The following SOX5 variants were observed in gnomAD, a reference collection of about 807,000 sequenced individuals.
The protein encoded by SOX5 is SRY-box transcription factor 5, also known as transcription factor SOX-5.
SOX5 carries 9 observed loss-of-function variants against 92.0 expected under a neutral mutation model. The observed-to-expected ratio is 0.10, with a 90% CI of 0.06 to 0.17. The LOEUF (loss-of-function observed/expected upper bound fraction) is 0.17. Ranked by LOEUF, SOX5 falls within the 10% of genes least tolerant of loss-of-function variation. The pLI is 1.00. For synonymous variants in SOX5, 344 were observed against 336.3 expected (o/e 1.02, Z -0.25); for missense variants, 642 against 944.5 (o/e 0.68, Z 4.20).
At chr12:24,397,388 T>G (rs1960314874) in intron 1 of SOX5, among the ~76,000 whole-genome samples, 1 of 152,200 alleles carries the variant, frequency 6.6e-6, no homozygotes, top group Non-Finnish European at 1.5e-5. Context: ...AAAGTAGAAA[T>G]TCTTCTTTAC....
chr12:23,811,520 A>G (rs951961794), intron 3 of SOX5, among the ~76,000 whole-genome samples: 1 of 152,120 alleles, frequency 6.6e-6, no homozygotes, highest in African/African-American at 2.4e-5. Flanking sequence ...GAAAAGCACA[A>G]AATTTAAGGT....
At chr12:24,485,609 A>G (rs1393134547) in intron 1 of SOX5, among the ~76,000 whole-genome samples, 3 of 152,086 alleles carry the variant, frequency 2.0e-5, no homozygotes, top group Non-Finnish European at 4.4e-5. Flanking sequence ...TGTGATGACT[A>G]GGAAAAAAAA....
At chr12:24,468,112 T>C (rs1489722003) in intron 1 of SOX5, among the ~76,000 whole-genome samples, 1 of 152,176 alleles carries the variant, frequency 6.6e-6, no homozygotes, top group Non-Finnish European at 1.5e-5. Context: ...GCTTGAGTTG[T>C]CAGGACTTGG....
chr12:24,488,028 T>C (rs557423396), intron 1 of SOX5, among the ~76,000 whole-genome samples: 55 of 152,322 alleles, frequency 3.6e-4, no homozygotes, highest in Non-Finnish European at 4.3e-4. Flanking sequence ...GAAAACTATA[T>C]GACTATTATT....
intron 9 of SOX5, among the ~76,000 whole-genome samples, chr12:23,588,356 A>G (rs989959602): frequency 7.2e-5 from 11 of 152,132 alleles, no homozygotes; most frequent in South Asian, 6.2e-4. Context: ...AAGTGTCTAT[A>G]CTGTGTCAAG....
chr12:23,845,604 G>C (rs1001780868), intron 3 of SOX5, among the ~76,000 whole-genome samples: 2 of 151,398 alleles, frequency 1.3e-5, no homozygotes, highest in Admixed American at 1.3e-4. Flanking sequence ...AATGTGTAAA[G>C]GTTACAAAAT....
At chr12:24,129,489 G>C (rs1054045969) in intron 4 of SOX5, among the ~76,000 whole-genome samples, 1 of 152,170 alleles carries the variant, frequency 6.6e-6, no homozygotes, top group Non-Finnish European at 1.5e-5. Flanking sequence ...CACTGTGCCT[G>C]AACTCAGTGG....
chr12:23,722,995 C>A (rs1181275929), intron 6 of SOX5, among the ~76,000 whole-genome samples: 1 of 152,130 alleles, frequency 6.6e-6, no homozygotes, highest in Admixed American at 6.5e-5. Context: ...GAAAACACAT[C>A]CTAAATACCT....
intron 1 of SOX5, among the ~76,000 whole-genome samples, chr12:24,442,079 AAC>A (rs1476752875): frequency 5.3e-5 from 8 of 152,248 alleles, no homozygotes; most frequent in Non-Finnish European, 1.2e-4. Context: ...GTAAATGAGA[AAC>A]AGTTAAGAGA....
At chr12:24,008,616 TA>T (rs1257081746) in intron 4 of SOX5, among the ~76,000 whole-genome samples, 3 of 152,186 alleles carry the variant, frequency 2.0e-5, no homozygotes, top group African/African-American at 7.2e-5. Context: ...TAATATTAAG[TA>T]AAAGAAATTA....
chr12:24,539,787 C>A (rs896272023), intron 1 of SOX5, among the ~76,000 whole-genome samples: 1 of 152,042 alleles, frequency 6.6e-6, no homozygotes. Context: ...TTAATTTAGT[C>A]CTACTTCATT....
chr12:23,966,860 T>C (rs1947644404), intron 4 of SOX5, among the ~76,000 whole-genome samples: 1 of 152,176 alleles, frequency 6.6e-6, no homozygotes, highest in African/African-American at 2.4e-5. Flanking sequence ...TTATAAACTT[T>C]AAAAAGTAAC....
At chr12:24,174,780 G>A (rs546045601) in intron 4 of SOX5, among the ~76,000 whole-genome samples, 22 of 151,768 alleles carry the variant, frequency 1.4e-4, no homozygotes, top group Non-Finnish European at 2.8e-4. Flanking sequence ...AGATTGTGCC[G>A]TTGCACTCCA....
chr12:23,996,270 T>C (rs1004421902), intron 4 of SOX5, among the ~76,000 whole-genome samples: 10 of 152,094 alleles, frequency 6.6e-5, no homozygotes, highest in African/African-American at 2.4e-4. Context: ...TAGGGAAATA[T>C]AAACCAAAAC....
rs117617198 is a variant in SOX5, at chr12:24,456,389, T to G, written c.-250-87750A>C. 1.9e-3 allele frequency among the ~76,000 whole-genome samples: 286 copies of G among 152,208 alleles called. 9 individuals carry two copies. In the East Asian group the frequency reaches 0.054, roughly 29 times the overall value. ...TGGCCAAGTAACAGTTAACATTCCA[T>G]CTCTATTCAGGGTCCCATGTGCCAT... On this transcript the variant is annotated intron_variant, in intron 1 of 4. Transcript: ENST00000446891.
At chr12:24,517,703 GT>G (rs56402961) in intron 1 of SOX5, among the ~76,000 whole-genome samples, 89,750 of 140,712 alleles carry the variant, frequency 0.64, 27,893 homozygotes, top group East Asian at 0.97. Context: ...TTAATTCCAT[GT>G]TTTTTTTTTT....
intron 1 of SOX5, among the ~76,000 whole-genome samples, chr12:24,474,693 G>A (rs551960875): frequency 9.9e-5 from 15 of 151,152 alleles, no homozygotes; most frequent in African/African-American, 2.4e-4. Context: ...GCACCACCAC[G>A]CCCAGCTAAT....
chr12:23,870,765 G>GT (rs35825169), intron 2 of SOX5, among the ~76,000 whole-genome samples: 15,139 of 152,116 alleles, frequency 0.1, 896 homozygotes, highest in East Asian at 0.22. Flanking sequence ...ATTCCAAGTG[G>GT]TTTTGAGGTG....
chr12:23,780,629 G>A (rs1420818250), intron 3 of SOX5, among the ~76,000 whole-genome samples: 1 of 152,064 alleles, frequency 6.6e-6, no homozygotes, highest in Admixed American at 6.6e-5. Context: ...AAAATGGGCT[G>A]TGAGCAAGCA....
Sources: gnomAD v4.1 joint callset for allele counts (sites outside exome capture counted in the v4.1 genomes callset) on GRCh38, gnomAD v4.1.1 for gene constraint, MANE v1.5 for transcripts, NCBI Gene and HGNC (gene_info 2026-07-23, HGNC 2026-07-21) for gene names.